Variants in ENTREP2 observed in about 807,000 individuals in gnomAD.
ENTREP2 encodes protein ENTREP2.
At chr15:29,268,847 C>CAT in the ENTREP2 span, 10 of 1,614,106 alleles carry the variant, frequency 6.2e-6, no homozygotes, top group Non-Finnish European at 8.5e-6. Context: ...TCCTCATCTG[C>CAT]CAAAGCCTCA....
At chr15:29,173,569 G>T in the ENTREP2 span, among the ~76,000 whole-genome samples, 1 of 152,102 alleles carries the variant, frequency 6.6e-6, no homozygotes, top group Non-Finnish European at 1.5e-5. Context: ...CTCCTGGGAG[G>T]ATTCCGCCAG....
At chr15:29,268,608 A>C in the ENTREP2 span, 1 of 535,444 alleles carries the variant, frequency 1.9e-6, no homozygotes, top group Admixed American at 3.7e-5. Context: ...TTTATAGATG[A>C]AAATCTGGAG....
chr15:29,663,313 A>G, the ENTREP2 span, among the ~76,000 whole-genome samples: 1 of 152,134 alleles, frequency 6.6e-6, no homozygotes, highest in South Asian at 2.1e-4. Flanking sequence ...TGAGGTCAGG[A>G]GTTCGAGACC....
chr15:29,629,260 G>A, the ENTREP2 span, among the ~76,000 whole-genome samples: 16 of 152,002 alleles, frequency 1.1e-4, no homozygotes, highest in South Asian at 2.1e-4. Context: ...TTTTCAGTTC[G>A]TCACTAATTA....
At chr15:29,530,214 G>A in the ENTREP2 span, among the ~76,000 whole-genome samples, 1 of 152,116 alleles carries the variant, frequency 6.6e-6, no homozygotes, top group African/African-American at 2.4e-5. Context: ...TCTCACCCTA[G>A]GGAACTGGAC....
At chr15:29,386,906 C>G in the ENTREP2 span, among the ~76,000 whole-genome samples, 9 of 152,250 alleles carry the variant, frequency 5.9e-5, no homozygotes, top group South Asian at 1.0e-3. Flanking sequence ...GGGCTGAGAC[C>G]ATGGGGTTTT....
At chr15:29,340,142 G>C in the ENTREP2 span, among the ~76,000 whole-genome samples, 2 of 152,198 alleles carry the variant, frequency 1.3e-5, no homozygotes, top group African/African-American at 2.4e-5. Context: ...TGCAACCATG[G>C]TAACCAGAGA....
At chr15:29,649,727 C>T in the ENTREP2 span, among the ~76,000 whole-genome samples, 1 of 66,956 alleles carries the variant, frequency 1.5e-5, no homozygotes, top group African/African-American at 5.0e-5. Context: ...TCAACAACAA[C>T]AAAAAAAAAA....
the ENTREP2 span, among the ~76,000 whole-genome samples, chr15:29,201,518 C>T: frequency 3.3e-5 from 5 of 152,174 alleles, no homozygotes; most frequent in Non-Finnish European, 7.3e-5. Context: ...TTTTCTCCAA[C>T]AATTGATACA....
chr15:29,207,426 C>T, the ENTREP2 span, among the ~76,000 whole-genome samples: 1 of 119,650 alleles, frequency 8.4e-6, no homozygotes, highest in East Asian at 2.7e-4. Context: ...CCACCTCCTA[C>T]GAGCGGTGTG....
the ENTREP2 span, among the ~76,000 whole-genome samples, chr15:29,290,063 G>A: frequency 1.3e-5 from 2 of 152,070 alleles, no homozygotes; most frequent in Admixed American, 1.3e-4. Context: ...TGTGGATCTG[G>A]CCCTGGCCTC....
chr15:29,228,710 A>G, the ENTREP2 span, among the ~76,000 whole-genome samples: 3 of 152,210 alleles, frequency 2.0e-5, no homozygotes, highest in East Asian at 1.9e-4. Flanking sequence ...AAAAGGAAAA[A>G]AAGTCAAAAG....
At chr15:29,132,818 C>A in the ENTREP2 span, among the ~76,000 whole-genome samples, 2 of 152,146 alleles carry the variant, frequency 1.3e-5, no homozygotes, top group Admixed American at 1.3e-4. Context: ...AGGGTCTGGG[C>A]TCCACGGACA....
chr15:29,379,976 C>T, the ENTREP2 span, among the ~76,000 whole-genome samples: 1 of 151,882 alleles, frequency 6.6e-6, no homozygotes, highest in East Asian at 1.9e-4. Flanking sequence ...ACTGCATACC[C>T]CGAGGATGTC....
chr15:29,527,957 A>G, the ENTREP2 span, among the ~76,000 whole-genome samples: 1 of 152,108 alleles, frequency 6.6e-6, no homozygotes, highest in South Asian at 2.1e-4. Flanking sequence ...CCAGCAACAC[A>G]CCAGTGCACC....
chr15:29,662,528 C>T, the ENTREP2 span, among the ~76,000 whole-genome samples: 1 of 152,034 alleles, frequency 6.6e-6, no homozygotes, highest in African/African-American at 2.4e-5. Context: ...TTGACAGGTC[C>T]ACCATTTTAG....
At chr15:29,387,171 A>C in the ENTREP2 span, among the ~76,000 whole-genome samples, 143 of 151,928 alleles carry the variant, frequency 9.4e-4, 1 homozygote, top group Non-Finnish European at 1.8e-3. Flanking sequence ...GAGATACATC[A>C]CATCAATACC....
the ENTREP2 span, among the ~76,000 whole-genome samples, chr15:29,609,396 G>T: frequency 1.3e-5 from 2 of 150,148 alleles, no homozygotes; most frequent in South Asian, 4.3e-4. Flanking sequence ...AATTACCATT[G>T]TAACAGTATT....
the ENTREP2 span, among the ~76,000 whole-genome samples, chr15:29,656,728 T>A: frequency 3.9e-5 from 6 of 152,006 alleles, no homozygotes; most frequent in Non-Finnish European, 7.4e-5. Context: ...TGCAACAGAC[T>A]CTCTCATATC....
Sources: allele counts gnomAD v4.1 joint callset (sites outside exome capture counted in the v4.1 genomes callset), GRCh38; gene constraint gnomAD v4.1.1; transcripts MANE v1.5; gene names NCBI Gene and HGNC (gene_info 2026-07-23, HGNC 2026-07-21).